The following DIAPH2 variants were observed in gnomAD, a reference collection of about 807,000 sequenced individuals.
DIAPH2 encodes protein diaphanous homolog 2.
DIAPH2 carries 35 observed loss-of-function variants against 92.7 expected under a neutral mutation model. The ratio of observed to expected loss-of-function variants is 0.38; its 90% confidence interval spans 0.29 to 0.50. The LOEUF is 0.50. DIAPH2 is among the 20% of genes least tolerant of loss of function. The pLI is 0.94. For synonymous variants in DIAPH2, 301 were observed against 280.4 expected, an observed-to-expected ratio of 1.07 and a Z score of -0.73; for missense variants, 701 against 819.5, an observed-to-expected ratio of 0.86 and a Z score of 1.77.
chrX:97,094,721 G>T lies in DIAPH2; in HGVS notation c.2248-4973G>T, dbSNP rs1283612130. On this transcript the variant is annotated intron_variant, in intron 19 of 26. Coordinates refer to ENST00000324765, the MANE Select transcript of DIAPH2 (RefSeq NM_006729.5). ...CAAATTACTCAGTCATATGTTGATT[G>T]TGTTCCATTGTGTAAACAAGAACAT... 7.1e-5 allele frequency among the ~76,000 whole-genome samples: 8 copies of T among 112,272 alleles called. No homozygotes were observed. The Admixed American group carries it at 7.6e-4, about 11-fold the overall frequency.
Position 96,992,015 on chromosome X carries a change from C to G in DIAPH2, c.2050+26808C>G, listed in dbSNP as rs193077855. Among the ~76,000 whole-genome samples, 7 of 110,718 alleles carry G rather than the reference C, an allele frequency of 6.3e-5. No homozygotes were observed. In the East Asian group the frequency reaches 2.0e-3, roughly 31 times the overall value. On this transcript the variant is annotated intron_variant, in intron 17 of 26. Transcript: ENST00000324765. ...TTTCAAAGGGTTTCCTTCACTGTCT[C>G]TTTCCCCTGGAATATATTATGCATC... is the stretch of plus-strand genomic sequence containing the variant.
intron 1 of DIAPH2, among the ~76,000 whole-genome samples, chrX:96,710,643 C>T (rs1483352276): frequency 9.0e-6 from 1 of 111,047 alleles, no homozygotes; most frequent in Non-Finnish European, 1.9e-5. Flanking sequence ...TGTAATACTC[C>T]TCCATAATAG....
chrX:97,315,594 A>G (rs2068833607), intron 23 of DIAPH2, among the ~76,000 whole-genome samples: 1 of 110,630 alleles, frequency 9.0e-6, no homozygotes, highest in African/African-American at 3.3e-5. Context: ...TTTGTGTAGC[A>G]CTGTGAAAAG....
chrX:96,790,567 G>T (rs780435756), intron 4 of DIAPH2, among the ~76,000 whole-genome samples: 2 of 111,229 alleles, frequency 1.8e-5, no homozygotes, highest in South Asian at 3.8e-4. Flanking sequence ...TTCAACAGAG[G>T]CCCCCTTATC....
intron 23 of DIAPH2, among the ~76,000 whole-genome samples, chrX:97,303,945 TTAAAA>T (rs1313405355): frequency 9.0e-6 from 1 of 111,533 alleles, no homozygotes; most frequent in African/African-American, 3.3e-5. Context: ...GACAAAATTG[TTAAAA>T]TGTTGTTTGT....
At chrX:97,462,364 A>C (rs1242673959) in intron 26 of DIAPH2, among the ~76,000 whole-genome samples, 1 of 111,886 alleles carries the variant, frequency 8.9e-6, no homozygotes, top group Non-Finnish European at 1.9e-5. Context: ...GACAATCCAA[A>C]TTCTCATTCA....
rs190820567 is a variant in DIAPH2 at position 97,383,878 on chromosome X, G to A, written c.3010-31G>A. ...GTCTCTATTATATAAGTAATGGAAA[G>A]GTTTCCATTTAACTTTGTTTATATG... On this transcript the variant is annotated intron_variant, in intron 24 of 26. Transcript: ENST00000324765. The A allele has an allele frequency of 2.2e-3, 2,407 of 1,118,472 alleles. 37 individuals are homozygous for A. The African/African-American group carries it at 0.041, about 19-fold the overall frequency. 92.2% of individuals were successfully genotyped at this position (1,118,472 alleles called of 1,213,427 possible). A position where few individuals can be genotyped will look rare whatever the true frequency, so the allele number is the denominator to read the frequency against.
intron 17 of DIAPH2, among the ~76,000 whole-genome samples, chrX:96,979,904 C>T (rs1191930379): frequency 1.8e-5 from 2 of 111,538 alleles, no homozygotes; most frequent in Non-Finnish European, 3.8e-5. Flanking sequence ...CTTGGATCTG[C>T]TGCACTCCAC....
Position 97,171,895 on chromosome X carries a change from G to A in DIAPH2, c.2719+30101G>A, listed in dbSNP as rs1273677843. Among the ~76,000 whole-genome samples the A allele has an allele frequency of 3.7e-5, 4 of 108,596 alleles. 1 individual carries two copies. Among genetic ancestry groups the A allele is most frequent in the Admixed American group, 2.9e-4 (3 of 10,183 alleles). 94.3% of individuals were successfully genotyped at this position (108,596 alleles called of 115,157 possible). Reference sequence around the variant, plus strand: ...GCGGAGCTTGCAGTGAGCCGAGATCGCGCCACTGCACTCCAGCCCGGGCAA... The same window carrying A: ...GCGGAGCTTGCAGTGAGCCGAGATCACGCCACTGCACTCCAGCCCGGGCAA... On this transcript the variant is annotated intron_variant, in intron 22 of 26. Transcript: ENST00000324765.
At chrX:97,278,379 A>G (rs1469016167) in intron 23 of DIAPH2, among the ~76,000 whole-genome samples, 3 of 111,464 alleles carry the variant, frequency 2.7e-5, no homozygotes, top group Non-Finnish European at 3.8e-5. Context: ...TCTATATGTT[A>G]TACATATATG....
At chrX:96,917,515 AAGTC>A (rs2065512875) in intron 8 of DIAPH2, among the ~76,000 whole-genome samples, 1 of 111,737 alleles carries the variant, frequency 8.9e-6, no homozygotes, top group Non-Finnish European at 1.9e-5. Flanking sequence ...TATTTTTTAA[AAGTC>A]AGTTTATACA....
intron 21 of DIAPH2, among the ~76,000 whole-genome samples, chrX:97,125,471 C>CAAAAAAAAAAAAAAA (rs1159049051): frequency 4.7e-4 from 9 of 19,216 alleles, no homozygotes; most frequent in African/African-American, 8.3e-4. Context: ...GACTCCGTCT[C>CAAAAAAAAAAAAAAA]AAAAAAAAAA....
At chrX:97,079,722 A>G (rs1431312829) in intron 19 of DIAPH2, among the ~76,000 whole-genome samples, 3 of 111,047 alleles carry the variant, frequency 2.7e-5, no homozygotes, top group African/African-American at 9.8e-5. Context: ...ATATCTGGGG[A>G]CTATACATGT....
rs903611508 is a variant in DIAPH2, at chrX:96,723,691, A to T, written c.133-12067A>T. Among the ~76,000 whole-genome samples, 4 of 112,043 alleles carry T rather than the reference A, an allele frequency of 3.6e-5. No individual in the cohort carries two copies. The East Asian group carries it at 8.4e-4, about 23-fold the overall frequency. On this transcript the variant is annotated intron_variant, in intron 1 of 26. Coordinates refer to ENST00000324765, the MANE Select transcript of DIAPH2 (RefSeq NM_006729.5). ...TCGCAGAACTAACTCCATATGTTTCATCAGGGCTACGAAGGGCCCATGTAT... is the reference window on the plus strand; with the variant it reads ...TCGCAGAACTAACTCCATATGTTTCTTCAGGGCTACGAAGGGCCCATGTAT...
At chrX:97,191,242 C>G (rs1254335479) in intron 22 of DIAPH2, among the ~76,000 whole-genome samples, 1 of 107,693 alleles carries the variant, frequency 9.3e-6, no homozygotes, top group African/African-American at 3.4e-5. Context: ...GCAGGAGAAT[C>G]GCTTGAACCT....
chrX:97,228,975 A>T (rs142239117), intron 22 of DIAPH2, among the ~76,000 whole-genome samples: 1 of 111,691 alleles, frequency 9.0e-6, no homozygotes, highest in Non-Finnish European at 1.9e-5. Context: ...CCATCTATGT[A>T]TAGCTGAGTC....
At chrX:96,866,945 A>G (rs1198447256) in intron 4 of DIAPH2, among the ~76,000 whole-genome samples, 1 of 111,978 alleles carries the variant, frequency 8.9e-6, no homozygotes, top group African/African-American at 3.2e-5. Flanking sequence ...GTTTTGAGGA[A>G]ACAGAAATGT....
At chrX:97,276,290 A>G (rs2068451222) in intron 23 of DIAPH2, among the ~76,000 whole-genome samples, 2 of 111,773 alleles carry the variant, frequency 1.8e-5, no homozygotes, top group Admixed American at 9.5e-5. Context: ...GGACAGGGAC[A>G]GGGAGAGGGA....
intron 22 of DIAPH2, among the ~76,000 whole-genome samples, chrX:97,167,694 A>G (rs1359967203): frequency 9.0e-6 from 1 of 111,666 alleles, no homozygotes; most frequent in Non-Finnish European, 1.9e-5. Flanking sequence ...TACTGTACCA[A>G]TTTATAATAT....
Sources: gnomAD v4.1 joint callset for allele counts (sites outside exome capture counted in the v4.1 genomes callset) on GRCh38, gnomAD v4.1.1 for gene constraint, MANE v1.5 for transcripts, NCBI Gene and HGNC (gene_info 2026-07-23, HGNC 2026-07-21) for gene names.